The following SLC24A2 variants were observed in gnomAD, a reference collection of about 807,000 sequenced individuals.
The protein encoded by SLC24A2 is sodium/potassium/calcium exchanger 2.
In SLC24A2, 36 loss-of-function variants were observed where a neutral mutation model predicts 62.0. The ratio of observed to expected loss-of-function variants is 0.58; its 90% CI spans 0.44 to 0.77. SLC24A2 has a LOEUF of 0.77. Among genes scored for constraint, SLC24A2 ranks in the 30% least tolerant of loss-of-function variants. The pLI is 0.00. For missense variants in SLC24A2, 846 were observed against 817.9 expected, an observed-to-expected ratio of 1.03 and a Z score of -0.42; for synonymous variants, 358 against 294.0, an observed-to-expected ratio of 1.22 and a Z score of -2.23.
At chr9:20,109,241 T>C in the SLC24A2 span, among the ~76,000 whole-genome samples, 138 of 152,310 alleles carry the variant, frequency 9.1e-4, no homozygotes, top group African/African-American at 2.9e-3. Flanking sequence ...TATATGACTA[T>C]GTATGTAACC....
At chr9:19,669,404 G>T (rs1696117680) in intron 2 of SLC24A2, among the ~76,000 whole-genome samples, 1 of 152,150 alleles carries the variant, frequency 6.6e-6, no homozygotes, top group African/African-American at 2.4e-5. Flanking sequence ...ACAAAACACA[G>T]AACCGTGCTG....
chr9:19,589,386 G>A (rs1360476565), intron 5 of SLC24A2, among the ~76,000 whole-genome samples: 1 of 152,196 alleles, frequency 6.6e-6, no homozygotes, highest in East Asian at 1.9e-4. Context: ...ACTGATAAAA[G>A]TGGTCATCTC....
At chr9:19,893,131 G>A in the SLC24A2 span, among the ~76,000 whole-genome samples, 1 of 152,216 alleles carries the variant, frequency 6.6e-6, no homozygotes, top group African/African-American at 2.4e-5. Flanking sequence ...AAGTCTCTAT[G>A]AATGGTATTT....
chr9:19,537,208 T>G lies in SLC24A2; in HGVS notation c.1480-9070A>C, dbSNP rs918491324. On this transcript the variant is annotated intron_variant, in intron 8 of 10. Transcript: ENST00000341998. ...CTGTGCAGAAGCTCTTTAGTTTAAT[T>G]AGATCCCATTTGTCAATTTTGTCTT... Among the ~76,000 whole-genome samples, 8 of 146,240 alleles carry G rather than the reference T, an allele frequency of 5.5e-5. No homozygotes were observed. The East Asian group carries it at 6.3e-4, about 12-fold the overall frequency.
the SLC24A2 span, among the ~76,000 whole-genome samples, chr9:20,130,597 GTAGGAAA>G: frequency 6.6e-6 from 1 of 152,070 alleles, no homozygotes; most frequent in Non-Finnish European, 1.5e-5. Flanking sequence ...AATGGGAAAT[GTAGGAAA>G]TAGGAAATGG....
chr9:19,677,653 T>C (rs1373008576), intron 2 of SLC24A2, among the ~76,000 whole-genome samples: 1 of 152,126 alleles, frequency 6.6e-6, no homozygotes, highest in East Asian at 1.9e-4. Context: ...ATTTTGGCAA[T>C]TTAAAATCAA....
chr9:19,530,311 G>A (rs540418695), intron 8 of SLC24A2, among the ~76,000 whole-genome samples: 13 of 152,192 alleles, frequency 8.5e-5, no homozygotes, highest in African/African-American at 1.7e-4. Context: ...GTGGGGTCAC[G>A]TGTGTGATTA....
the SLC24A2 span, among the ~76,000 whole-genome samples, chr9:20,097,675 T>G: frequency 6.8e-6 from 1 of 147,756 alleles, no homozygotes; most frequent in Non-Finnish European, 1.5e-5. Context: ...GCTGACCAAG[T>G]AGAATAATGT....
the SLC24A2 span, among the ~76,000 whole-genome samples, chr9:19,812,550 CTTTA>C: frequency 6.6e-6 from 1 of 152,030 alleles, no homozygotes; most frequent in African/African-American, 2.4e-5. Context: ...TAATACATTT[CTTTA>C]TCTTTTTGTC....
the SLC24A2 span, among the ~76,000 whole-genome samples, chr9:20,095,150 T>A: frequency 3.9e-5 from 6 of 152,300 alleles, no homozygotes; most frequent in East Asian, 1.2e-3. Flanking sequence ...TTTTGTTTTG[T>A]TTTGGAATAG....
At chr9:19,970,757 A>G in the SLC24A2 span, among the ~76,000 whole-genome samples, 1 of 152,200 alleles carries the variant, frequency 6.6e-6, no homozygotes, top group South Asian at 2.1e-4. Context: ...TTCAGTTAGT[A>G]GGAGAAAAAA....
At chr9:19,741,579 G>A (rs1484734403) in intron 2 of SLC24A2, among the ~76,000 whole-genome samples, 2 of 152,136 alleles carry the variant, frequency 1.3e-5, no homozygotes, top group African/African-American at 4.8e-5. Context: ...AGTGGCAGCT[G>A]CTTCCTGCAA....
At chr9:20,142,455 G>C in the SLC24A2 span, among the ~76,000 whole-genome samples, 2 of 145,470 alleles carry the variant, frequency 1.4e-5, no homozygotes, top group South Asian at 4.4e-4. Flanking sequence ...AAATATTTTT[G>C]TTTTTTAAAA....
the SLC24A2 span, among the ~76,000 whole-genome samples, chr9:20,268,099 G>A: frequency 3.9e-5 from 6 of 152,192 alleles, no homozygotes; most frequent in Admixed American, 1.3e-4. Context: ...AGGTGCAAGT[G>A]AACTACCTTA....
chr9:20,253,692 G>T, the SLC24A2 span, among the ~76,000 whole-genome samples: 1 of 152,178 alleles, frequency 6.6e-6, no homozygotes, highest in African/African-American at 2.4e-5. Context: ...TGCAGCCAGG[G>T]TTGTGAACTG....
At chr9:19,519,013 A>C (rs2132630223) in intron 10 of SLC24A2, among the ~76,000 whole-genome samples, 1 of 152,312 alleles carries the variant, frequency 6.6e-6, no homozygotes, top group South Asian at 2.1e-4. Flanking sequence ...CTGCATAAAG[A>C]TGTTGATCAA....
At chr9:19,534,702 G>T (rs1833872731) in intron 8 of SLC24A2, among the ~76,000 whole-genome samples, 1 of 152,090 alleles carries the variant, frequency 6.6e-6, no homozygotes, top group Non-Finnish European at 1.5e-5. Flanking sequence ...CCTTTTTTAT[G>T]GCTGCATAAT....
the SLC24A2 span, among the ~76,000 whole-genome samples, chr9:20,252,668 G>C: frequency 1.3e-5 from 2 of 152,206 alleles, no homozygotes; most frequent in African/African-American, 2.4e-5. Context: ...AAGAAACTCA[G>C]GTTTGGATGA....
At chr9:20,093,416 CTTTT>C in the SLC24A2 span, among the ~76,000 whole-genome samples, 1 of 152,022 alleles carries the variant, frequency 6.6e-6, no homozygotes, top group South Asian at 2.1e-4. Context: ...TTCTTTTTAT[CTTTT>C]TTGAGTTACT....
Sources: allele counts gnomAD v4.1 joint callset (sites outside exome capture counted in the v4.1 genomes callset), GRCh38; gene constraint gnomAD v4.1.1; transcripts MANE v1.5; gene names NCBI Gene and HGNC (gene_info 2026-07-23, HGNC 2026-07-21).